The following FAM151B variants were observed in gnomAD, a reference collection of about 807,000 sequenced individuals.
The protein encoded by FAM151B is protein FAM151B.
In FAM151B, 24 loss-of-function variants were observed where a neutral mutation model predicts 31.2. That is an observed-to-expected ratio of 0.77 (90% CI 0.56 to 1.08). The LOEUF (loss-of-function observed/expected upper bound fraction) is 1.08, where lower values mean the gene tolerates loss of function less well. Among genes scored for constraint, FAM151B ranks in the 50% least tolerant of loss-of-function variants. FAM151B has a pLI of 0.00. For synonymous variants in FAM151B, 105 were observed against 111.4 expected (o/e 0.94, Z 0.36); for missense variants, 293 against 328.6 (o/e 0.89, Z 0.84).
chr5:80,538,386 TTCTTTCTTTCTTTC>T (rs1317907888), intron 5 of FAM151B, among the ~76,000 whole-genome samples: 1 of 45,438 alleles, frequency 2.2e-5, no homozygotes, highest in Non-Finnish European at 4.0e-5. Flanking sequence ...CTTTCTTTCT[TTCTTTCTTTCTTTC>T]TTTCTTTCTT....
At chr5:80,503,943 T>G (rs1000814812) in intron 2 of FAM151B, among the ~76,000 whole-genome samples, 2 of 151,974 alleles carry the variant, frequency 1.3e-5, no homozygotes, top group African/African-American at 4.8e-5. Flanking sequence ...TTTAAAAGTC[T>G]TCTACCCACA....
At chr5:80,505,158 G>T (rs1743904270) in intron 2 of FAM151B, among the ~76,000 whole-genome samples, 1 of 152,132 alleles carries the variant, frequency 6.6e-6, no homozygotes, top group African/African-American at 2.4e-5. Flanking sequence ...AAAACTCTTT[G>T]ATTGGTCTTG....
intron 1 of FAM151B, among the ~76,000 whole-genome samples, chr5:80,490,673 C>G (rs1743287696): frequency 6.6e-6 from 1 of 152,206 alleles, no homozygotes; most frequent in East Asian, 1.9e-4. Flanking sequence ...AATATAGACC[C>G]TCTTATGTCT....
intron 1 of FAM151B, chr5:80,501,212 G>A: frequency 3.1e-6 from 1 of 320,702 alleles, no homozygotes; most frequent in Non-Finnish European, 5.8e-6. Flanking sequence ...TAGAGACAGG[G>A]TTCCACCATG....
chr5:80,538,505 TTTC>T (rs1561383928), intron 5 of FAM151B, among the ~76,000 whole-genome samples: 1 of 107,038 alleles, frequency 9.3e-6, no homozygotes, highest in African/African-American at 4.3e-5. Flanking sequence ...CTTCCTTTCT[TTTC>T]TTTCTTTCCT....
At chr5:80,527,818 A>T (rs1022760853) in intron 5 of FAM151B, among the ~76,000 whole-genome samples, 5 of 152,180 alleles carry the variant, frequency 3.3e-5, no homozygotes, top group African/African-American at 1.2e-4. Context: ...CTTAGACCAT[A>T]TTAAATTTAT....
chr5:80,540,607 A>G (rs1400353755), intron 5 of FAM151B, among the ~76,000 whole-genome samples: 1 of 152,174 alleles, frequency 6.6e-6, no homozygotes, highest in Non-Finnish European at 1.5e-5. Context: ...TCTTCTTTTT[A>G]CCTAAATGCT....
At position 80,541,987 on chromosome 5, in the gene FAM151B, C is replaced by A; in HGVS notation, c.*155C>A. On this transcript the variant is annotated 3_prime_UTR_variant, in exon 6 of 6. Transcript: ENST00000282226. The stretch of plus-strand genomic sequence containing the variant: ...GTATGCTTACTCTGTGGGCATATGT[C>A]CTTATAATAGTGCACTTACATAAAA... 1.4e-6 allele frequency: 1 copy of A among 737,628 alleles called. No individual in the cohort carries two copies. Among genetic ancestry groups the A allele is most frequent in the Non-Finnish European group, 2.1e-6 (1 of 467,422 alleles). The allele number at this position is 737,628 out of a possible 1,614,324, so 45.7% of individuals were successfully genotyped here. A position where few individuals can be genotyped will look rare whatever the true frequency, so the allele number is the denominator to read the frequency against.
At position 80,532,358 on chromosome 5, in the gene FAM151B, TA is replaced by T. The variant is rs573522165; in HGVS notation, c.672-9311del. Reference sequence around the variant, plus strand: ...TGTTGTGCACATGCACCCTAGAACTTAAAAGTATAATAAAAAAAAATGTCAA... The same window carrying T: ...TGTTGTGCACATGCACCCTAGAACTTAAAGTATAATAAAAAAAAATGTCAA... On this transcript the variant is annotated intron_variant, in intron 5 of 5. Transcript: ENST00000282226. Among the ~76,000 whole-genome samples the T allele has an allele frequency of 1.5e-3, 226 of 152,002 alleles. 1 individual carries two copies. In the Middle Eastern group the frequency reaches 0.017, roughly 11 times the overall value.
intron 1 of FAM151B, among the ~76,000 whole-genome samples, chr5:80,495,830 C>CAAAAAAAAAA (rs3072031): frequency 1.1e-5 from 1 of 88,104 alleles, no homozygotes; most frequent in Non-Finnish European, 2.0e-5. Flanking sequence ...GACTCCGTCT[C>CAAAAAAAAAA]AAAAAAAAAA....
intron 1 of FAM151B, chr5:80,498,463 G>C: frequency 1.9e-6 from 1 of 538,486 alleles, no homozygotes; most frequent in Non-Finnish European, 3.3e-6. Flanking sequence ...TAGGTTTAAG[G>C]TTTTTGGTTT....
intron 1 of FAM151B, chr5:80,500,488 A>G (rs1743701744): frequency 2.5e-6 from 2 of 785,530 alleles, no homozygotes. Context: ...TCTGTGAAAA[A>G]GCAAAACACT....
chr5:80,508,323 A>C (rs1252367884), intron 2 of FAM151B, among the ~76,000 whole-genome samples: 1 of 152,092 alleles, frequency 6.6e-6, no homozygotes, highest in Non-Finnish European at 1.5e-5. Context: ...TGGTAACTAT[A>C]TGTTTAACTT....
intron 1 of FAM151B, chr5:80,500,986 A>C: frequency 1.6e-6 from 1 of 642,264 alleles, no homozygotes; most frequent in Non-Finnish European, 2.8e-6. Context: ...ATGAGGCGGA[A>C]TGAAGAAAAA....
At chr5:80,515,433 A>G (rs369209498) in intron 3 of FAM151B, among the ~76,000 whole-genome samples, 1 of 152,162 alleles carries the variant, frequency 6.6e-6, no homozygotes, top group African/African-American at 2.4e-5. Context: ...AGTGTTCTCT[A>G]TATCATGAAA....
At chr5:80,501,400 T>C (rs1369811494) in intron 1 of FAM151B, 5 of 758,910 alleles carry the variant, frequency 6.6e-6, no homozygotes, top group Non-Finnish European at 1.0e-5. Context: ...AAGAATGAAA[T>C]AAGATGTCTA....
intron 5 of FAM151B, among the ~76,000 whole-genome samples, chr5:80,530,908 A>C (rs1422879207): frequency 5.3e-5 from 8 of 152,194 alleles, no homozygotes; most frequent in Non-Finnish European, 1.5e-5. Flanking sequence ...TATGGAACCA[A>C]AAAAGAGCCC....
chr5:80,538,378 T>C (rs1214120877), intron 5 of FAM151B, among the ~76,000 whole-genome samples: 3 of 37,032 alleles, frequency 8.1e-5, no homozygotes, highest in South Asian at 1.2e-3. Context: ...TTCTTTTTCT[T>C]TCTTTCTTTC....
intron 5 of FAM151B, among the ~76,000 whole-genome samples, chr5:80,531,314 G>A (rs752668756): frequency 4.5e-4 from 68 of 152,234 alleles, no homozygotes; most frequent in Admixed American, 1.4e-3. Flanking sequence ...TACCATTAAG[G>A]CCATAAGCAT....
Sources: allele counts gnomAD v4.1 joint callset (sites outside exome capture counted in the v4.1 genomes callset), GRCh38; gene constraint gnomAD v4.1.1; transcripts MANE v1.5; gene names NCBI Gene and HGNC (gene_info 2026-07-23, HGNC 2026-07-21).